The following IQCJ variants were observed in gnomAD, a reference collection of about 807,000 sequenced individuals.
The protein encoded by IQCJ is IQ motif containing J.
A neutral mutation model predicts 11.0 loss-of-function variants in IQCJ; 9 were observed. The observed-to-expected ratio is 0.82, with a 90% CI of 0.49 to 1.43. IQCJ has a LOEUF of 1.43. IQCJ is among the 40% of genes most tolerant of loss of function. The probability of loss-of-function intolerance (pLI) is 0.00; values close to 1 mark genes in which losing one functional copy is unlikely to be tolerated. For missense variants in IQCJ, 146 were observed against 133.2 expected (o/e 1.10, Z -0.47); for synonymous variants, 55 against 51.3 (o/e 1.07, Z -0.31).
intron 1 of IQCJ, among the ~76,000 whole-genome samples, chr3:159,160,823 A>G (rs1420421436): frequency 6.6e-6 from 1 of 151,788 alleles, no homozygotes; most frequent in Non-Finnish European, 1.5e-5. Context: ...GAGAATGATG[A>G]TTTCCAATTT....
At chr3:159,197,605 T>A (rs1724061794) in intron 1 of IQCJ, among the ~76,000 whole-genome samples, 1 of 152,166 alleles carries the variant, frequency 6.6e-6, no homozygotes, top group South Asian at 2.1e-4. Flanking sequence ...GAATAGAGAC[T>A]ATGCAAATAA....
At chr3:159,136,180 C>G (rs1287129542) in intron 1 of IQCJ, among the ~76,000 whole-genome samples, 1 of 152,104 alleles carries the variant, frequency 6.6e-6, no homozygotes, top group Non-Finnish European at 1.5e-5. Flanking sequence ...CAGAATGAAA[C>G]CTTTTTATTC....
At chr3:159,180,055 C>A (rs555684907) in intron 1 of IQCJ, among the ~76,000 whole-genome samples, 1 of 152,078 alleles carries the variant, frequency 6.6e-6, no homozygotes, top group African/African-American at 2.4e-5. Context: ...TGGTAGAAGG[C>A]GCTAGGGCAG....
intron 1 of IQCJ, among the ~76,000 whole-genome samples, chr3:159,109,079 T>C (rs1051801871): frequency 7.9e-5 from 12 of 152,330 alleles, no homozygotes; most frequent in Non-Finnish European, 1.3e-4. Context: ...AGCCCTGAAC[T>C]GAAAGCTCTA....
chr3:159,077,407 TG>T (rs1181128344), intron 1 of IQCJ, among the ~76,000 whole-genome samples: 1 of 152,174 alleles, frequency 6.6e-6, no homozygotes, highest in African/African-American at 2.4e-5. Context: ...GGTGAAGTTT[TG>T]GTTGCAGCAT....
At chr3:159,206,539 G>A (rs1174418576) in intron 1 of IQCJ, among the ~76,000 whole-genome samples, 2 of 152,122 alleles carry the variant, frequency 1.3e-5, no homozygotes, top group Non-Finnish European at 2.9e-5. Flanking sequence ...ATTATTCAGG[G>A]TCTCTCTCCT....
rs570852100 is a variant in IQCJ at position 159,087,335 on chromosome 3, G to A, written c.9+17894G>A. Among the ~76,000 whole-genome samples, 35 of 150,554 alleles carry A rather than the reference G, an allele frequency of 2.3e-4. No individual in the cohort carries two copies. The South Asian group carries it at 6.8e-3, about 29-fold the overall frequency. ...TTTGTTTTGCCAGTATTTTATTGAG[G>A]ATTTTTGCATCAATGTTCATCAAGG... is the stretch of plus-strand genomic sequence containing the variant. On this transcript the variant is annotated intron_variant, in intron 1 of 3. Coordinates refer to ENST00000397832, the MANE Select transcript of IQCJ (RefSeq NM_001042706.3).
chr3:159,255,308 G>T (rs1727836083), intron 3 of IQCJ, among the ~76,000 whole-genome samples: 1 of 152,170 alleles, frequency 6.6e-6, no homozygotes, highest in African/African-American at 2.4e-5. Flanking sequence ...CCCATACAGG[G>T]TGTCTGGCTA....
intron 1 of IQCJ, among the ~76,000 whole-genome samples, chr3:159,226,681 A>G (rs1414852822): frequency 1.3e-5 from 2 of 152,200 alleles, no homozygotes; most frequent in South Asian, 2.1e-4. Flanking sequence ...AGGATGCCCA[A>G]TTGGGTGAGG....
At chr3:159,073,569 C>G (rs1413515374) in intron 1 of IQCJ, among the ~76,000 whole-genome samples, 1 of 152,092 alleles carries the variant, frequency 6.6e-6, no homozygotes, top group African/African-American at 2.4e-5. Context: ...GAATTGATCT[C>G]ATCATAGTCC....
chr3:159,107,999 G>A, intron 1 of IQCJ, among the ~76,000 whole-genome samples: 1 of 83,274 alleles, frequency 1.2e-5, no homozygotes, highest in East Asian at 3.3e-4. Flanking sequence ...TTGCACCTAT[G>A]GTTTTCCAAA....
intron 1 of IQCJ, among the ~76,000 whole-genome samples, chr3:159,141,241 G>T (rs1720586580): frequency 6.6e-6 from 1 of 152,224 alleles, no homozygotes. Flanking sequence ...ATCATATGCA[G>T]AGGTGAGAGC....
At position 159,262,756 on chromosome 3, in the gene IQCJ, A is replaced by G. The variant is rs1165319174; in HGVS notation, c.*25A>G. On this transcript the variant is annotated 3_prime_UTR_variant, in exon 4 of 4. Transcript: ENST00000397832. ...AAAGCCTAGACTTTGGTTCTAAGAG[A>G]GAAATCTTGGGATGTGAGCAGGTGG... 1 of 1,604,324 alleles carries G rather than the reference A, an allele frequency of 6.2e-7. No homozygotes were observed. Among genetic ancestry groups the G allele is most frequent in the Non-Finnish European group, 8.5e-7 (1 of 1,173,020 alleles).
intron 1 of IQCJ, among the ~76,000 whole-genome samples, chr3:159,151,792 C>A (rs561899304): frequency 3.3e-5 from 5 of 152,134 alleles, no homozygotes; most frequent in Non-Finnish European, 7.4e-5. Flanking sequence ...CCTGCCACCA[C>A]GTTTGCCTAA....
chr3:159,117,480 T>A (rs1719099255), intron 1 of IQCJ, among the ~76,000 whole-genome samples: 1 of 152,226 alleles, frequency 6.6e-6, no homozygotes, highest in South Asian at 2.1e-4. Flanking sequence ...TTTAATCATT[T>A]AATAAAACGT....
At chr3:159,239,431 A>G (rs1044033738) in intron 1 of IQCJ, among the ~76,000 whole-genome samples, 15 of 152,180 alleles carry the variant, frequency 9.9e-5, no homozygotes, top group African/African-American at 3.4e-4. Context: ...AATTGCAAAA[A>G]TGCTTTTCTT....
chr3:159,104,195 T>C (rs1300848344), intron 1 of IQCJ, among the ~76,000 whole-genome samples: 1 of 152,242 alleles, frequency 6.6e-6, no homozygotes, highest in African/African-American at 2.4e-5. Context: ...TCTGGCCTTC[T>C]CCCACTTCAG....
In IQCJ at chr3:159,105,430, A is replaced by C. The variant is rs376065294; in HGVS notation, c.9+35989A>C. ...ATTAAGACAATTTTATTGAGCATCT[A>C]CTACATCCTGGGTACTATCTCAGGA... On this transcript the variant is annotated intron_variant, in intron 1 of 3. Coordinates refer to ENST00000397832, the MANE Select transcript of IQCJ (RefSeq NM_001042706.3). 2.4e-4 allele frequency among the ~76,000 whole-genome samples: 37 copies of C among 152,278 alleles called. No individual in the cohort carries two copies. The East Asian group carries it at 6.4e-3, about 26-fold the overall frequency.
At chr3:159,232,076 A>T (rs1311554883) in intron 1 of IQCJ, among the ~76,000 whole-genome samples, 4 of 152,170 alleles carry the variant, frequency 2.6e-5, no homozygotes, top group Non-Finnish European at 4.4e-5. Context: ...CTTTTCAAAA[A>T]ACCAGCTCCT....
Sources: allele counts gnomAD v4.1 joint callset (sites outside exome capture counted in the v4.1 genomes callset), GRCh38; gene constraint gnomAD v4.1.1; transcripts MANE v1.5; gene names NCBI Gene and HGNC (gene_info 2026-07-23, HGNC 2026-07-21).